The following CUX1 variants were observed in gnomAD, a reference collection of about 807,000 sequenced individuals.
The protein encoded by CUX1 is cut like homeobox 1, also known as protein CASP.
In CUX1, 31 loss-of-function variants were observed where a neutral mutation model predicts 158.8. The ratio of observed to expected loss-of-function variants is 0.20; its 90% CI spans 0.15 to 0.26. CUX1 has a LOEUF of 0.26. Among genes scored for constraint, CUX1 ranks in the 10% least tolerant of loss-of-function variants. The probability of loss-of-function intolerance (pLI) is 1.00; values close to 1 mark genes in which losing one functional copy is unlikely to be tolerated. For synonymous variants in CUX1, 879 were observed against 862.1 expected (o/e 1.02, Z -0.34); for missense variants, 1,589 against 2,014.6 (o/e 0.79, Z 4.04).
At chr7:102,118,826 A>G (rs2131164865) in intron 8 of CUX1, among the ~76,000 whole-genome samples, 1 of 152,294 alleles carries the variant, frequency 6.6e-6, no homozygotes, top group African/African-American at 2.4e-5. Context: ...ATCTTGGCTC[A>G]CTACAACCTC....
intron 1 of CUX1, among the ~76,000 whole-genome samples, chr7:101,835,070 C>T (rs1335732245): frequency 6.6e-6 from 1 of 152,010 alleles, no homozygotes; most frequent in Non-Finnish European, 1.5e-5. Flanking sequence ...CTCACAATGT[C>T]GTGCAGCCAT....
At chr7:102,164,816 G>A (rs1041317429) in intron 9 of CUX1, among the ~76,000 whole-genome samples, 4 of 152,176 alleles carry the variant, frequency 2.6e-5, no homozygotes, top group Admixed American at 1.3e-4. Flanking sequence ...TGTTCCTCGG[G>A]GGACTTGCTC....
chr7:102,257,790 G>A lies in CUX1; in HGVS notation c.*8748G>A. 1 of 983,436 alleles carries A rather than the reference G, an allele frequency of 1.0e-6. No homozygotes were observed. 60.9% of individuals were successfully genotyped at this position (983,436 alleles called of 1,614,324 possible). ...ATTTTCTGTAACGCACCAAGTCTTA[G>A]ATCTTTCTAGAGCTTGTTTGTTCAT... On this transcript the variant is annotated 3_prime_UTR_variant, in exon 24 of 24. Coordinates refer to ENST00000292535, the MANE Select transcript of CUX1 (RefSeq NM_181552.4).
At chr7:102,079,927 C>T (rs543033462) in intron 4 of CUX1, among the ~76,000 whole-genome samples, 4 of 152,234 alleles carry the variant, frequency 2.6e-5, no homozygotes, top group African/African-American at 7.2e-5. Context: ...ACTCAGGCTC[C>T]GGCATTAGGG....
In CUX1 at chr7:102,279,624, G is replaced by A. The variant is rs180905983; in HGVS notation, c.1681-413G>A. ...AGCCCTGTCCCCACCCATCAGAGCCGCTCCTTGGCCACCAGAGGGCACTCA... is the reference window on the plus strand; with the variant it reads ...AGCCCTGTCCCCACCCATCAGAGCCACTCCTTGGCCACCAGAGGGCACTCA... On this transcript the variant is annotated intron_variant, in intron 18 of 22. Transcript: ENST00000292538. Among the ~76,000 whole-genome samples, 11 of 152,240 alleles carry A rather than the reference G, an allele frequency of 7.2e-5. No individual in the cohort carries two copies. The East Asian group carries it at 1.5e-3, about 21-fold the overall frequency.
At chr7:102,058,608 G>C (rs954480994) in intron 3 of CUX1, among the ~76,000 whole-genome samples, 1 of 152,112 alleles carries the variant, frequency 6.6e-6, no homozygotes, top group Admixed American at 6.6e-5. Flanking sequence ...ATGGTGGTCT[G>C]GAACCAAACC....
chr7:102,228,753 A>G (rs913818138), intron 21 of CUX1, among the ~76,000 whole-genome samples: 2 of 152,198 alleles, frequency 1.3e-5, no homozygotes, highest in Admixed American at 6.5e-5. Flanking sequence ...AGCTATGACC[A>G]TGCCACTGTA....
intron 3 of CUX1, among the ~76,000 whole-genome samples, chr7:102,059,623 C>T (rs1824549283): frequency 7.7e-6 from 1 of 129,650 alleles, no homozygotes; most frequent in South Asian, 2.5e-4. Context: ...CAGAGTGAGA[C>T]TTCATCTCAA....
chr7:102,165,285 G>A (rs1267566930), intron 9 of CUX1, among the ~76,000 whole-genome samples: 4 of 151,840 alleles, frequency 2.6e-5, no homozygotes, highest in African/African-American at 9.7e-5. Flanking sequence ...AGACTTTAGA[G>A]GCCTGGAAGT....
chr7:101,949,814 G>C (rs563972003), intron 2 of CUX1, among the ~76,000 whole-genome samples: 1 of 151,438 alleles, frequency 6.6e-6, no homozygotes, highest in Non-Finnish European at 1.5e-5. Context: ...TTACAGGCAT[G>C]AGCCACCACG....
In CUX1 at chr7:102,012,705, C is replaced by CG. The variant is rs145520606; in HGVS notation, c.142-15387dup. On this transcript the variant is annotated intron_variant, in intron 2 of 23. Transcript: ENST00000292535. ...CACTCTGTGTCCTGGAGAGTGGGGG[C>CG]GGGGGGAGGGGGTTGTCCGTCTTTG... Among the ~76,000 whole-genome samples the CG allele has an allele frequency of 4.1e-3, 518 of 127,578 alleles. 6 individuals are homozygous for CG. Among genetic ancestry groups the CG allele is most frequent in the African/African-American group, 0.016 (491 of 29,880 alleles). The allele number at this position is 127,578 out of a possible 152,430, so 83.7% of individuals were successfully genotyped here.
In CUX1 at chr7:102,178,673, G is replaced by A. The variant is rs782295299; in HGVS notation, c.1017+16G>A. Reference sequence around the variant, plus strand: ...CACACTCAAAGTAAGGGGGCTGCGGGGCCCGGGGGTGGCCCGAGGAGGCAG... The same window carrying A: ...CACACTCAAAGTAAGGGGGCTGCGGAGCCCGGGGGTGGCCCGAGGAGGCAG... On this transcript the variant is annotated intron_variant, in intron 11 of 23. Transcript: ENST00000292535. The A allele has an allele frequency of 6.9e-6, 11 of 1,595,472 alleles. No homozygotes were observed. The South Asian group carries it at 1.1e-4, about 16-fold the overall frequency.
exon 23 of CUX1, chr7:102,283,080 T>G: frequency 6.2e-7 from 1 of 1,613,378 alleles, no homozygotes; most frequent in Non-Finnish European, 8.5e-7. Flanking sequence ...GCTGGTGACT[T>G]GTGGCAGTGA....
intron 9 of CUX1, among the ~76,000 whole-genome samples, chr7:102,159,947 G>A (rs782799402): frequency 1.2e-4 from 18 of 151,146 alleles, no homozygotes; most frequent in Non-Finnish European, 1.9e-4. Flanking sequence ...TGGGGAGGCC[G>A]AGATGGGTGG....
At chr7:102,018,977 G>C (rs767192928) in intron 2 of CUX1, among the ~76,000 whole-genome samples, 1 of 152,090 alleles carries the variant, frequency 6.6e-6, no homozygotes, top group African/African-American at 2.4e-5. Context: ...CTGGGGAGCC[G>C]GGAGTCCCCA....
intron 1 of CUX1, among the ~76,000 whole-genome samples, chr7:101,852,943 G>T (rs1054330687): frequency 1.3e-5 from 2 of 152,108 alleles, no homozygotes; most frequent in African/African-American, 4.8e-5. Flanking sequence ...CTCCCAAAGT[G>T]CTGGGATTAC....
At chr7:102,150,551 T>C (rs143012097) in intron 8 of CUX1, among the ~76,000 whole-genome samples, 50 of 152,364 alleles carry the variant, frequency 3.3e-4, no homozygotes, top group African/African-American at 1.1e-3. Context: ...TATACTTTGT[T>C]TTAACAGCTC....
At chr7:101,984,789 C>T (rs1395242682) in intron 2 of CUX1, among the ~76,000 whole-genome samples, 8 of 152,110 alleles carry the variant, frequency 5.3e-5, no homozygotes, top group Non-Finnish European at 7.4e-5. Context: ...AAATAAACCG[C>T]GCAAGAAGAA....
chr7:101,837,733 A>C (rs948627678), intron 1 of CUX1, among the ~76,000 whole-genome samples: 1 of 141,074 alleles, frequency 7.1e-6, no homozygotes. Context: ...CAGGAGGCTG[A>C]GGTGGGAGGA....
Sources: gnomAD v4.1 joint callset for allele counts (sites outside exome capture counted in the v4.1 genomes callset) on GRCh38, gnomAD v4.1.1 for gene constraint, MANE v1.5 for transcripts, NCBI Gene and HGNC (gene_info 2026-07-23, HGNC 2026-07-21) for gene names.